Variants in ACER1 observed in about 807,000 individuals in gnomAD.
ACER1 encodes the protein alkaline ceramidase 1, also known as CTB-180A7.3.
A neutral mutation model predicts 24.9 loss-of-function variants in ACER1; 28 were observed. That is an observed-to-expected ratio of 1.13 (90% CI 0.83 to 1.54). The LOEUF (loss-of-function observed/expected upper bound fraction) is 1.54. ACER1 is among the 40% of genes most tolerant of loss of function. The pLI, the probability that ACER1 is intolerant of heterozygous loss-of-function variation, is 0.00. For missense variants in ACER1, 352 were observed against 349.3 expected, an observed-to-expected ratio of 1.01 and a Z score of -0.06; for synonymous variants, 132 against 131.4, an observed-to-expected ratio of 1.00 and a Z score of -0.03.
At chr19:6,349,437 G>A in the ACER1 span, among the ~76,000 whole-genome samples, 154 of 130,886 alleles carry the variant, frequency 1.2e-3, no homozygotes, top group South Asian at 3.7e-3. Context: ...AGGAAAGAAG[G>A]AAGGGAGGAA....
At chr19:6,337,846 T>C (rs1174610922), upstream of ACER1, among the ~76,000 whole-genome samples, 1 of 150,818 alleles carries the variant, frequency 6.6e-6, no homozygotes, top group Non-Finnish European at 1.5e-5. Context: ...CTGGCTAATT[T>C]TTTTGTATTT....
At chr19:6,337,518 A>G (rs1010664432), upstream of ACER1, among the ~76,000 whole-genome samples, 4 of 148,364 alleles carry the variant, frequency 2.7e-5, no homozygotes, top group Non-Finnish European at 3.0e-5. Context: ...CAATGGCATG[A>G]TCTCGGCTCA....
At chr19:6,331,524 TGGCTC>T (rs1160557360) in intron 1 of ACER1, among the ~76,000 whole-genome samples, 2 of 149,262 alleles carry the variant, frequency 1.3e-5, no homozygotes, top group African/African-American at 4.9e-5. Context: ...CCGGGCGCCG[TGGCTC>T]ACGCCTGTAA....
At chr19:6,347,132 A>ATATATATATATAT in the ACER1 span, among the ~76,000 whole-genome samples, 1 of 118,196 alleles carries the variant, frequency 8.5e-6, no homozygotes, top group African/African-American at 3.4e-5. Flanking sequence ...ATATATATAT[A>ATATATATATATAT]AAATAATAAT....
intron 1 of ACER1, among the ~76,000 whole-genome samples, chr19:6,315,848 G>T (rs1386310008): frequency 1.3e-5 from 2 of 152,286 alleles, no homozygotes; most frequent in Non-Finnish European, 2.9e-5. Flanking sequence ...AAAAGAATGA[G>T]CCCAGGTGTG....
At chr19:6,312,013 C>G in intron 3 of ACER1, 136 bp downstream of exon 3, 1 of 1,227,592 alleles carries the variant, frequency 8.1e-7, no homozygotes, top group Non-Finnish European at 1.1e-6. Flanking sequence ...GGAGAAAACC[C>G]GAAGTGGTCA....
At chr19:6,355,033 C>T in the ACER1 span, among the ~76,000 whole-genome samples, 9 of 152,244 alleles carry the variant, frequency 5.9e-5, no homozygotes, top group East Asian at 1.9e-4. Context: ...CTGTGTTGGC[C>T]GGGCTGGTCT....
the ACER1 span, among the ~76,000 whole-genome samples, chr19:6,342,452 G>T: frequency 6.6e-6 from 1 of 151,952 alleles, no homozygotes; most frequent in Non-Finnish European, 1.5e-5. Context: ...GGGAGTGGTG[G>T]CTCACACCTG....
At chr19:6,308,285 A>G (rs1243805466) in intron 4 of ACER1, among the ~76,000 whole-genome samples, 4 of 151,782 alleles carry the variant, frequency 2.6e-5, no homozygotes, top group Admixed American at 6.6e-5. Flanking sequence ...AAATACAAAA[A>G]TTAGCCGGGC....
At chr19:6,339,578 C>T in the ACER1 span, among the ~76,000 whole-genome samples, 53 of 152,140 alleles carry the variant, frequency 3.5e-4, no homozygotes, top group Non-Finnish European at 6.2e-4. Context: ...CTTAATGCCG[C>T]TGAACTATGC....
the ACER1 span, among the ~76,000 whole-genome samples, chr19:6,348,832 T>C: frequency 2.6e-5 from 4 of 151,540 alleles, no homozygotes; most frequent in African/African-American, 9.7e-5. Flanking sequence ...CCGAGGCGGG[T>C]GGATCATGAG....
chr19:6,345,715 C>T, the ACER1 span, among the ~76,000 whole-genome samples: 5 of 151,632 alleles, frequency 3.3e-5, no homozygotes, highest in Non-Finnish European at 5.9e-5. Flanking sequence ...CAGGCGCGCA[C>T]GACCATGCCC....
At chr19:6,327,588 T>A (rs2145015677) in intron 1 of ACER1, among the ~76,000 whole-genome samples, 1 of 150,056 alleles carries the variant, frequency 6.7e-6, no homozygotes, top group Non-Finnish European at 1.5e-5. Flanking sequence ...AAATAAATAA[T>A]AATAAAATAA....
Position 6,306,466 on chromosome 19 carries a change from G to C in ACER1, c.*248C>G, listed in dbSNP as rs1600232305. 6.6e-6 allele frequency: 3 copies of C among 453,460 alleles called. No individual in the cohort carries two copies. In the East Asian group the frequency reaches 1.0e-4, roughly 15 times the overall value. 28.1% of individuals were successfully genotyped at this position (453,460 alleles called of 1,614,324 possible). Reference sequence around the variant, plus strand: ...TGTGGACACAGAGGAGGAAATGAAAGAGGATGGGGGGGGTCATGGAGGGGA... The same window carrying C: ...TGTGGACACAGAGGAGGAAATGAAACAGGATGGGGGGGGTCATGGAGGGGA... On this transcript the variant is annotated 3_prime_UTR_variant, in exon 6 of 6. Coordinates refer to ENST00000301452, the MANE Select transcript of ACER1 (RefSeq NM_133492.3).
At position 6,333,112 on chromosome 19, in the gene ACER1, C is replaced by G. The variant is rs141644398; in HGVS notation, c.93+347G>C. 2.7e-3 allele frequency among the ~76,000 whole-genome samples: 416 copies of G among 152,214 alleles called. 20 individuals carry two copies. The South Asian group carries it at 0.071, about 26-fold the overall frequency. On this transcript the variant is annotated intron_variant, in intron 1 of 5. Transcript: ENST00000301452. ...CCTGATTGGCCCACCCCCTCTAGCT[C>G]AGGGGCACCCTCTGCCTCCCCCTAC... is the stretch of plus-strand genomic sequence containing the variant.
the ACER1 span, among the ~76,000 whole-genome samples, chr19:6,347,611 G>C: frequency 1.3e-5 from 2 of 152,026 alleles, no homozygotes; most frequent in Non-Finnish European, 2.9e-5. Flanking sequence ...CGAAGTGGGT[G>C]GATTACCTGG....
chr19:6,335,906 C>CTTTTCTTTTTTTTTT (rs1555717055), upstream of ACER1, among the ~76,000 whole-genome samples: 10 of 141,580 alleles, frequency 7.1e-5, no homozygotes, highest in African/African-American at 2.6e-4. Context: ...TTTTTCTTTT[C>CTTTTCTTTTTTTTTT]TTTTTTTTTT....
At chr19:6,311,619 A>AAGGAGG (rs927026471) in intron 3 of ACER1, among the ~76,000 whole-genome samples, 3 of 145,500 alleles carry the variant, frequency 2.1e-5, no homozygotes, top group East Asian at 2.0e-4. Flanking sequence ...GGAGAAGGAG[A>AAGGAGG]AGGAGGAGGA....
At chr19:6,317,001 T>C (rs1335274763) in intron 1 of ACER1, among the ~76,000 whole-genome samples, 1 of 127,174 alleles carries the variant, frequency 7.9e-6, no homozygotes, top group Admixed American at 8.7e-5. Context: ...TGAGATGGAG[T>C]CTCACTCTGT....
Sources: gnomAD v4.1 joint callset for allele counts (sites outside exome capture counted in the v4.1 genomes callset) on GRCh38, gnomAD v4.1.1 for gene constraint, MANE v1.5 for transcripts, NCBI Gene and HGNC (gene_info 2026-07-23, HGNC 2026-07-21) for gene names.